NEBL: variants seen among roughly 807,000 people sequenced by gnomAD.
NEBL encodes the protein nebulette, also known as LIM and SH3 protein 2.
A neutral mutation model predicts 140.2 loss-of-function variants in NEBL; 122 were observed. That is an observed-to-expected ratio of 0.87 (90% confidence interval 0.75 to 1.01). The LOEUF is 1.01. Among genes scored for constraint, NEBL ranks in the 50% least tolerant of loss-of-function variants. The pLI, the probability that NEBL is intolerant of heterozygous loss-of-function variation, is 0.00. For missense variants in NEBL, 1,365 were observed against 1,231.3 expected (o/e 1.11, Z -1.62); for synonymous variants, 436 against 398.9 (o/e 1.09, Z -1.11).
At chr10:21,135,011 G>A (rs372255097) in intron 2 of NEBL, among the ~76,000 whole-genome samples, 10 of 152,118 alleles carry the variant, frequency 6.6e-5, no homozygotes, top group South Asian at 4.2e-4. Context: ...TTATTCACCC[G>A]CTCCACCCTC....
At chr10:20,794,896 A>T (rs1204754310) in intron 26 of NEBL, among the ~76,000 whole-genome samples, 1 of 152,138 alleles carries the variant, frequency 6.6e-6, no homozygotes, top group Non-Finnish European at 1.5e-5. Context: ...CACATGCTTT[A>T]GTTGGTGTAA....
chr10:20,817,459 A>G, intron 21 of NEBL, 141 bp downstream of exon 21: 1 of 793,058 alleles, frequency 1.3e-6, no homozygotes, highest in Non-Finnish European at 2.1e-6. Flanking sequence ...AAAGTCCCCG[A>G]AATCTTTCAA....
At chr10:21,241,022 G>A (rs1394112765) in intron 3 of NEBL, among the ~76,000 whole-genome samples, 3 of 151,420 alleles carry the variant, frequency 2.0e-5, no homozygotes, top group Non-Finnish European at 4.4e-5. Context: ...GGGCTTTCAC[G>A]ATCATATTTC....
At chr10:21,056,843 G>A (rs1835044728) in intron 2 of NEBL, among the ~76,000 whole-genome samples, 1 of 152,132 alleles carries the variant, frequency 6.6e-6, no homozygotes, top group South Asian at 2.1e-4. Flanking sequence ...AATTCAGGAT[G>A]GTGGTTCATC....
chr10:21,227,653 TTTCTTCTTCTTCTTCTTC>T (rs549558619), intron 3 of NEBL, among the ~76,000 whole-genome samples: 18 of 83,288 alleles, frequency 2.2e-4, no homozygotes, highest in African/African-American at 5.3e-4. Flanking sequence ...GCACTTGAAG[TTTCTTCTTCTTCTTCTTC>T]TTCTTCTTCT....
chr10:20,899,179 T>C (rs573495207), upstream of NEBL, among the ~76,000 whole-genome samples: 219 of 152,348 alleles, frequency 1.4e-3, 1 homozygote, highest in African/African-American at 5.1e-3. Context: ...CAGAAGACTA[T>C]TCTAATATTC....
intron 9 of NEBL, among the ~76,000 whole-genome samples, chr10:20,855,823 A>C (rs1476788830): frequency 6.6e-6 from 1 of 152,188 alleles, no homozygotes; most frequent in African/African-American, 2.4e-5. Flanking sequence ...GATGTTGCTA[A>C]AGACATCTAG....
chr10:20,958,863 A>G lies in NEBL; in HGVS notation c.357+2809T>C, dbSNP rs541318035. 7.9e-4 allele frequency among the ~76,000 whole-genome samples: 120 copies of G among 152,302 alleles called. 1 individual carries two copies. The South Asian group carries it at 0.024, about 30-fold the overall frequency. On this transcript the variant is annotated intron_variant, in intron 4 of 6. Coordinates refer to the NEBL transcript ENST00000417816. ...ACTCTCACCTCGTTCATCACACTCA[A>G]TTTGAAATTTACGGTTGTATTTTAT...
At chr10:21,074,210 G>A (rs562462148) in intron 2 of NEBL, among the ~76,000 whole-genome samples, 7 of 152,158 alleles carry the variant, frequency 4.6e-5, no homozygotes, top group South Asian at 4.1e-4. Context: ...GTACCATGTC[G>A]GTCCATGTGC....
intron 2 of NEBL, among the ~76,000 whole-genome samples, chr10:21,076,528 C>A (rs1836097143): frequency 8.3e-6 from 1 of 121,110 alleles, no homozygotes; most frequent in South Asian, 3.1e-4. Flanking sequence ...CAAAAAAAAA[C>A]TAAAGTGGGA....
intron 3 of NEBL, among the ~76,000 whole-genome samples, chr10:21,201,965 C>T (rs1009148401): frequency 2.6e-5 from 4 of 152,158 alleles, no homozygotes; most frequent in African/African-American, 7.2e-5. Flanking sequence ...TGTGGCTCCA[C>T]GCATTTCAAC....
chr10:21,252,521 G>T (rs966820891), intron 1 of NEBL, among the ~76,000 whole-genome samples: 5 of 152,046 alleles, frequency 3.3e-5, no homozygotes, highest in Non-Finnish European at 7.4e-5. Flanking sequence ...AGTTTTTAAG[G>T]AATTGAGCTA....
At chr10:21,065,948 A>G (rs1334205721) in intron 2 of NEBL, among the ~76,000 whole-genome samples, 2 of 152,336 alleles carry the variant, frequency 1.3e-5, no homozygotes, top group East Asian at 3.9e-4. Flanking sequence ...CAGCAGCTGC[A>G]CACCTCTCTT....
intron 11 of NEBL, among the ~76,000 whole-genome samples, chr10:20,846,821 G>C (rs1208497126): frequency 6.6e-6 from 1 of 151,644 alleles, no homozygotes; most frequent in Non-Finnish European, 1.5e-5. Flanking sequence ...GGTTAATTAC[G>C]ACTAGAAGTA....
intron 2 of NEBL, among the ~76,000 whole-genome samples, chr10:21,131,308 C>T (rs990385831): frequency 1.3e-5 from 2 of 152,278 alleles, no homozygotes; most frequent in Middle Eastern, 3.4e-3. Context: ...GTCTACCAGA[C>T]ATTTAAGGAA....
chr10:21,217,247 G>A (rs1285665389), intron 3 of NEBL, among the ~76,000 whole-genome samples: 1 of 152,162 alleles, frequency 6.6e-6, no homozygotes, highest in Non-Finnish European at 1.5e-5. Context: ...AGAGGTCATG[G>A]AGAGGAATCC....
chr10:20,802,711 TG>T (rs1397858018), intron 26 of NEBL, among the ~76,000 whole-genome samples: 1 of 152,208 alleles, frequency 6.6e-6, no homozygotes, highest in Non-Finnish European at 1.5e-5. Flanking sequence ...CGAAATGAGT[TG>T]ATTGTTCAAC....
intron 2 of NEBL, among the ~76,000 whole-genome samples, chr10:21,094,388 G>C (rs906536129): frequency 1.3e-5 from 2 of 151,118 alleles, no homozygotes; most frequent in Non-Finnish European, 2.9e-5. Context: ...TGTAGTCCCA[G>C]CTACTTGGGA....
At chr10:20,886,131 T>G (rs1036865729) in intron 4 of NEBL, among the ~76,000 whole-genome samples, 1 of 152,148 alleles carries the variant, frequency 6.6e-6, no homozygotes, top group Non-Finnish European at 1.5e-5. Flanking sequence ...ATGGCACACG[T>G]TTACCTATGT....
Sources: gnomAD v4.1 joint callset for allele counts (sites outside exome capture counted in the v4.1 genomes callset) on GRCh38, gnomAD v4.1.1 for gene constraint, MANE v1.5 for transcripts, NCBI Gene and HGNC (gene_info 2026-07-23, HGNC 2026-07-21) for gene names.